MED12L: variants seen among roughly 807,000 people sequenced by gnomAD.
MED12L encodes mediator of RNA polymerase II transcription subunit 12-like protein.
MED12L carries 60 observed loss-of-function variants against 281.3 expected under a neutral mutation model. That is an observed-to-expected ratio of 0.21 (90% CI 0.17 to 0.26). MED12L has a LOEUF of 0.26. Among genes scored for constraint, MED12L ranks in the 10% least tolerant of loss-of-function variants. The probability of loss-of-function intolerance (pLI) is 1.00; values close to 1 mark genes in which losing one functional copy is unlikely to be tolerated. For missense variants in MED12L, 2,146 were observed against 2,680.9 expected, an observed-to-expected ratio of 0.80 and a Z score of 4.41; for synonymous variants, 974 against 987.2, an observed-to-expected ratio of 0.99 and a Z score of 0.25.
chr3:151,146,366 A>G (rs1330389919), intron 5 of MED12L, among the ~76,000 whole-genome samples: 1 of 152,094 alleles, frequency 6.6e-6, no homozygotes, highest in Non-Finnish European at 1.5e-5. Flanking sequence ...TGTGGATGAA[A>G]CGCCTCTTTG....
chr3:151,368,350 T>C, intron 25 of MED12L, 99 bp downstream of exon 25: 1 of 1,037,422 alleles, frequency 9.6e-7, no homozygotes, highest in Non-Finnish European at 1.5e-6. Flanking sequence ...GCCTTCTTAA[T>C]TTTTTGGGCA....
chr3:151,323,803 G>T (rs1749267406), intron 16 of MED12L, among the ~76,000 whole-genome samples: 1 of 152,178 alleles, frequency 6.6e-6, no homozygotes, highest in Non-Finnish European at 1.5e-5. Context: ...AGGAATGACT[G>T]GCTAAATGAA....
At chr3:151,345,791 A>G (rs1184863567) in intron 16 of MED12L, among the ~76,000 whole-genome samples, 2 of 152,148 alleles carry the variant, frequency 1.3e-5, no homozygotes, top group Admixed American at 6.6e-5. Context: ...TGCTGGGATT[A>G]TAGATGTGAG....
chr3:151,269,397 T>TCACACA (rs71801434), intron 16 of MED12L: 7,277 of 144,672 alleles, frequency 0.05, 281 homozygotes, highest in African/African-American at 0.098. Context: ...TGAAACTCCA[T>TCACACA]CACACACACA....
intron 5 of MED12L, among the ~76,000 whole-genome samples, chr3:151,130,653 T>C (rs566820724): frequency 6.6e-6 from 1 of 152,332 alleles, no homozygotes; most frequent in Admixed American, 6.5e-5. Context: ...AGAGCTCTGC[T>C]GACCTGTGGG....
chr3:151,334,482 G>A (rs1170055842), intron 16 of MED12L, among the ~76,000 whole-genome samples: 3 of 151,770 alleles, frequency 2.0e-5, no homozygotes, highest in East Asian at 1.9e-4. Flanking sequence ...GGTCCAGGGG[G>A]AAGCAGTCTT....
At chr3:151,395,455 T>G (rs1044512156) in intron 39 of MED12L, among the ~76,000 whole-genome samples, 1 of 152,232 alleles carries the variant, frequency 6.6e-6, no homozygotes, top group Non-Finnish European at 1.5e-5. Context: ...CTCAATGTTC[T>G]TCATAGAAGA....
Position 151,388,065 on chromosome 3 carries a change from C to T in MED12L, c.5344C>T (p.Pro1782Ser). ...GCCCACATCTCCAGTTTCTCAGGAA[C>T]CAGAAAGGAAGTCCGCTGAGCTGTC... ...EEPTSPVSQE[P>S]ERKSAELSDQ... The change falls in exon 37 of 45, where the codon CCA (proline) becomes TCA (serine). Residue 1782 changes from proline to serine, a missense_variant. Pro to Ser is a moderately conservative substitution (Grantham distance 74). Transcript: ENST00000687756. The T allele has an allele frequency of 1.2e-6, 2 of 1,613,912 alleles. No individual in the cohort carries two copies. The highest frequency in any genetic ancestry group is 1.7e-6 in the Non-Finnish European group (2 of 1,179,970).
rs1342305161 is a variant in MED12L, at chr3:151,246,087, A to G, written c.2250+52421A>G. ...AGGGATGTGAAGGAACTCTTCAAGG[A>G]GAACTACAAACCACTGCTCAAGGAA... On this transcript the variant is annotated intron_variant, in intron 16 of 44. Transcript: ENST00000687756. Among the ~76,000 whole-genome samples the G allele has an allele frequency of 3.4e-4, 52 of 152,126 alleles. No individual in the cohort carries two copies. The East Asian group carries it at 4.3e-3, about 12-fold the overall frequency.
At chr3:151,161,903 T>C (rs1720046598) in intron 8 of MED12L, among the ~76,000 whole-genome samples, 1 of 152,134 alleles carries the variant, frequency 6.6e-6, no homozygotes, top group Non-Finnish European at 1.5e-5. Context: ...TCTTTAACAA[T>C]ATAGTGTTCA....
At chr3:151,225,354 C>T (rs1269392302) in intron 16 of MED12L, among the ~76,000 whole-genome samples, 4 of 152,158 alleles carry the variant, frequency 2.6e-5, no homozygotes, top group African/African-American at 7.2e-5. Flanking sequence ...TAATTTGGCT[C>T]ATGGTTCTGG....
chr3:151,199,567 C>T (rs1725229520), intron 16 of MED12L: 1 of 580,428 alleles, frequency 1.7e-6, no homozygotes, highest in Non-Finnish European at 3.0e-6. Context: ...CTTACCAGAC[C>T]ATATGGCCTG....
Position 151,433,837 on chromosome 3 carries a change from G to A in MED12L, c.*1033G>A, listed in dbSNP as rs1412525751. ...CTTTTGAATTTAATTATTACTGTCAGTGTCAGTCTTGGTTGTGTATTGCAT... is the reference window on the plus strand; with the variant it reads ...CTTTTGAATTTAATTATTACTGTCAATGTCAGTCTTGGTTGTGTATTGCAT... On this transcript the variant is annotated 3_prime_UTR_variant, in exon 45 of 45. Transcript: ENST00000687756. 5 of 152,600 alleles carry A rather than the reference G, an allele frequency of 3.3e-5. No homozygotes were observed. The highest frequency in any genetic ancestry group is 7.3e-5 in the Non-Finnish European group (5 of 68,034). 9.5% of individuals were successfully genotyped at this position (152,600 alleles called of 1,614,324 possible).
chr3:151,236,200 G>T (rs1732757491), intron 16 of MED12L, among the ~76,000 whole-genome samples: 1 of 152,128 alleles, frequency 6.6e-6, no homozygotes, highest in African/African-American at 2.4e-5. Flanking sequence ...ATTTCAGAAT[G>T]AACTTACTTA....
At chr3:151,348,855 A>G (rs1752894566) in intron 16 of MED12L, among the ~76,000 whole-genome samples, 1 of 152,106 alleles carries the variant, frequency 6.6e-6, no homozygotes, top group South Asian at 2.1e-4. Context: ...CATGTGAAGT[A>G]CTCCAGGTCA....
Position 151,433,177 on chromosome 3 carries a change from G to GTT in MED12L, c.*385_*386dup. ...TATTTCATTCATTAATGATGACGTT[G>GTT]TTTTTTTTTTTTTAATTTTATTTTC... On this transcript the variant is annotated 3_prime_UTR_variant, in exon 45 of 45. Coordinates refer to ENST00000687756, the MANE Select transcript of MED12L (RefSeq NM_001393769.1). The GTT allele has an allele frequency of 1.3e-5, 2 of 156,644 alleles. No homozygotes were observed. The highest frequency in any genetic ancestry group is 2.7e-5 in the Non-Finnish European group (2 of 74,526). The allele number at this position is 156,644 out of a possible 1,614,324, so 9.7% of individuals were successfully genotyped here.
chr3:151,301,595 T>A (rs1277371571), intron 16 of MED12L, among the ~76,000 whole-genome samples: 2 of 152,122 alleles, frequency 1.3e-5, no homozygotes, highest in Non-Finnish European at 2.9e-5. Context: ...AGAACCCAAT[T>A]TAAAAAAGGT....
chr3:151,367,614 G>C (rs772642729), intron 23 of MED12L, 32 bp from the exon 24 acceptor site: 1 of 1,566,282 alleles, frequency 6.4e-7, no homozygotes, highest in Non-Finnish European at 8.7e-7. Flanking sequence ...AAGGTTGTTA[G>C]GTATTAAAAC....
At chr3:151,217,278 T>C (rs1728419264) in intron 16 of MED12L, among the ~76,000 whole-genome samples, 1 of 152,202 alleles carries the variant, frequency 6.6e-6, no homozygotes, top group African/African-American at 2.4e-5. Context: ...CCTTATAAAA[T>C]TATTTTCTCA....
Sources: gnomAD v4.1 joint callset for allele counts (sites outside exome capture counted in the v4.1 genomes callset) on GRCh38, gnomAD v4.1.1 for gene constraint, MANE v1.5 for transcripts, NCBI Gene and HGNC (gene_info 2026-07-23, HGNC 2026-07-21) for gene names.